The following MMP2 variants were observed in gnomAD, a reference collection of about 807,000 sequenced individuals.
The protein encoded by MMP2 is 72 kDa type IV collagenase.
Under a neutral mutation model 74.8 loss-of-function variants are expected in MMP2, and 39 were observed. The observed-to-expected ratio is 0.52, with a 90% CI of 0.40 to 0.68. The LOEUF (loss-of-function observed/expected upper bound fraction) is 0.68. MMP2 is among the 30% of genes least tolerant of loss of function. The pLI, the probability that MMP2 is intolerant of heterozygous loss-of-function variation, is 0.00. For synonymous variants in MMP2, 367 were observed against 339.8 expected (o/e 1.08, Z -0.88); for missense variants, 803 against 878.3 (o/e 0.91, Z 1.08).
intron 3 of MMP2, among the ~76,000 whole-genome samples, chr16:55,484,662 G>C (rs1962196037): frequency 6.6e-6 from 1 of 152,194 alleles, no homozygotes; most frequent in Non-Finnish European, 1.5e-5. Context: ...GAGTGGTTTG[G>C]AAACAGTGGA....
rs1380067810 is a variant in MMP2 at position 55,506,563 on chromosome 16, A to AATAATATC, written c.*1122_*1129dup. ...GCTACTACTAACAATGAACAGTAAC[A>AATAATATC]ATAATATCCCCCTCAATTAATAGAG... On this transcript the variant is annotated 3_prime_UTR_variant, in exon 13 of 13. Transcript: ENST00000219070. The AATAATATC allele has an allele frequency of 1.2e-4, 18 of 152,248 alleles. No individual in the cohort carries two copies. The highest frequency in any genetic ancestry group is 4.1e-4 in the African/African-American group (17 of 41,460). The allele number at this position is 152,248 out of a possible 1,614,324, so 9.4% of individuals were successfully genotyped here. A position where few individuals can be genotyped will look rare whatever the true frequency, so the allele number is the denominator to read the frequency against.
intron 7 of MMP2, 81 bp downstream of exon 7, chr16:55,489,905 T>C: frequency 6.7e-7 from 1 of 1,484,412 alleles, no homozygotes. Context: ...TCCTGAGACC[T>C]CACCCACTTC....
At chr16:55,491,768 C>T in intron 7 of MMP2, 33 bp from the exon 8 acceptor site, 1 of 1,613,784 alleles carries the variant, frequency 6.2e-7, no homozygotes, top group Middle Eastern at 1.7e-4. Flanking sequence ...CTCTTCCTGT[C>T]TTTCAACCCT....
chr16:55,500,940 C>T (rs1962653918), intron 11 of MMP2, among the ~76,000 whole-genome samples: 1 of 152,196 alleles, frequency 6.6e-6, no homozygotes, highest in Admixed American at 6.5e-5. Flanking sequence ...ATATATGTTC[C>T]ACATCTGCTG....
chr16:55,487,874 T>A (rs1596813783), intron 5 of MMP2: 1 of 152,430 alleles, frequency 6.6e-6, no homozygotes, highest in Admixed American at 6.5e-5. Context: ...TCCCTCCTCC[T>A]CTTCATTCTT....
chr16:55,484,550 T>C (rs1211810482), intron 3 of MMP2, among the ~76,000 whole-genome samples: 1 of 152,206 alleles, frequency 6.6e-6, no homozygotes, highest in African/African-American at 2.4e-5. Context: ...AGGAGGCTAG[T>C]GACTATTGAT....
intron 1 of MMP2, chr16:55,479,975 T>TGGC (rs199624654): frequency 0.19 from 9,791 of 50,502 alleles, 595 homozygotes; most frequent in East Asian, 0.34. Flanking sequence ...CTGGGACATT[T>TGGC]GGCGGGGGGG....
chr16:55,485,549 G>A, intron 4 of MMP2, 55 bp from the exon 5 acceptor site: 2 of 1,611,696 alleles, frequency 1.2e-6, no homozygotes, highest in South Asian at 1.1e-5. Flanking sequence ...CAGAATCTTG[G>A]TCTCCAAAGA....
At position 55,481,593 on chromosome 16, in the gene MMP2, G is replaced by A. The variant is rs2093753666; in HGVS notation, c.154-1316G>A. ...GCCCTCCTGGGAATGAAGCACAGCA[G>A]GTCTCAGCCTCATCTTACCCAGCCC... is the stretch of plus-strand genomic sequence containing the variant. On this transcript the variant is annotated intron_variant, in intron 1 of 12. Transcript: ENST00000219070. The A allele has an allele frequency of 2.1e-5, 9 of 435,746 alleles. No individual in the cohort carries two copies. In the South Asian group the frequency reaches 3.5e-4, roughly 17 times the overall value. 27.0% of individuals were successfully genotyped at this position (435,746 alleles called of 1,614,324 possible). A position where few individuals can be genotyped will look rare whatever the true frequency, so the allele number is the denominator to read the frequency against.
chr16:55,496,960 C>A lies in MMP2; in HGVS notation c.1507C>A (p.Pro503Thr). The change falls in exon 10 of 13, where the codon CCC (proline) becomes ACC (threonine). Residue 503 changes from proline to threonine, a missense_variant. Transcript: ENST00000219070. Reference protein sequence around the residue: ...IWRTVTPRDKPMGPLLVATFW... With the variant: ...IWRTVTPRDKTMGPLLVATFW... ...GCGGACTGTGACGCCACGTGACAAG[C>A]CCATGGGGCCCCTGCTGGTGGCCAC... 6.8e-6 allele frequency: 11 copies of A among 1,614,164 alleles called. No homozygotes were observed. The highest frequency in any genetic ancestry group is 9.3e-6 in the Non-Finnish European group (11 of 1,180,034).
Position 55,479,526 on chromosome 16 carries a change from C to T in MMP2, c.47C>T (p.Ala16Val). 1 of 1,607,184 alleles carries T rather than the reference C, an allele frequency of 6.2e-7. No individual in the cohort carries two copies. The highest frequency in any genetic ancestry group is 8.5e-7 in the Non-Finnish European group (1 of 1,177,412). The change falls in exon 1 of 13, where the codon GCG becomes GTG. Residue 16 changes from alanine to valine, a missense_variant. By Grantham distance (64) the Ala-to-Val change is moderately conservative. This residue lies in a region of MMP2 where 223 missense variants were observed against 232.8 expected (regional missense o/e 0.96). Transcript: ENST00000219070. The stretch of plus-strand genomic sequence containing the variant: ...GGCGCGCTCACGGGTCCCCTGAGGG[C>T]GCTCTGTCTCCTGGGCTGCCTGCTG... ...ARGALTGPLR[A>V]LCLLGCLLSH...
chr16:55,479,330 C>A lies in MMP2; in HGVS notation c.-150C>A. On this transcript the variant is annotated 5_prime_UTR_variant, in exon 1 of 13. Coordinates refer to ENST00000219070, the MANE Select transcript of MMP2 (RefSeq NM_004530.6). ...GGGGCGCGGGGGCCGGACCATGAGCCGCTGAGCCGGGCAAACCCCAGGCCA... is the reference window on the plus strand; with the variant it reads ...GGGGCGCGGGGGCCGGACCATGAGCAGCTGAGCCGGGCAAACCCCAGGCCA... The A allele has an allele frequency of 1.1e-6, 1 of 944,676 alleles. No individual in the cohort carries two copies. Among genetic ancestry groups the A allele is most frequent in the Non-Finnish European group, 1.4e-6 (1 of 720,194 alleles). 58.5% of individuals were successfully genotyped at this position (944,676 alleles called of 1,614,324 possible). A position where few individuals can be genotyped will look rare whatever the true frequency, so the allele number is the denominator to read the frequency against.
At chr16:55,496,090 G>A (rs949475028) in intron 9 of MMP2, among the ~76,000 whole-genome samples, 8 of 152,328 alleles carry the variant, frequency 5.3e-5, no homozygotes, top group South Asian at 4.1e-4. Context: ...CTTGGCATGC[G>A]TTAGAATCAT....
chr16:55,503,745 T>A lies in MMP2; in HGVS notation c.1879+857T>A, dbSNP rs1962726863. Among the ~76,000 whole-genome samples the A allele has an allele frequency of 2.0e-5, 3 of 152,060 alleles. No individual in the cohort carries two copies. In the South Asian group the frequency reaches 6.2e-4, roughly 32 times the overall value. The stretch of plus-strand genomic sequence containing the variant: ...GTGTCAGGCAGGTAGCACAAATGAG[T>A]AAAGCAGGCAGGGGCAGACAGTGGG... On this transcript the variant is annotated intron_variant, in intron 12 of 12. Coordinates refer to ENST00000219070, the MANE Select transcript of MMP2 (RefSeq NM_004530.6).
chr16:55,502,530 T>C (rs1962691758), intron 11 of MMP2, among the ~76,000 whole-genome samples: 1 of 152,232 alleles, frequency 6.6e-6, no homozygotes, highest in South Asian at 2.1e-4. Flanking sequence ...TTATAAATGT[T>C]AGCAGTAATC....
rs532937260 is a variant in MMP2 at position 55,500,317 on chromosome 16, G to A, written c.1769+1869G>A. Among the ~76,000 whole-genome samples the A allele has an allele frequency of 3.9e-5, 6 of 151,926 alleles. No individual in the cohort carries two copies. The East Asian group carries it at 1.2e-3, about 30-fold the overall frequency. On this transcript the variant is annotated intron_variant, in intron 11 of 12. Transcript: ENST00000219070. ...TCTCCAAGTCTTAGAATTGTGGCTG[G>A]TGAGCCGCACAGACTCACAGAAACG...
rs1416287051 is a variant in MMP2 at position 55,483,109 on chromosome 16, G to A, written c.354G>A (p.Lys118=). Residue 118 remains lysine (K), a synonymous_variant, in exon 2 of 13, where the codon AAG becomes AAA. Coordinates refer to ENST00000219070, the MANE Select transcript of MMP2 (RefSeq NM_004530.6). ...ACAACTTCTTCCCTCGCAAGCCCAAGTGGGACAAGAACCAGATCACATACA... is the reference window on the plus strand; with the variant it reads ...ACAACTTCTTCCCTCGCAAGCCCAAATGGGACAAGAACCAGATCACATACA... The part of the protein sequence containing the change: ...ANYNFFPRKP[K]WDKNQITYRI... 2 of 1,614,110 alleles carry A rather than the reference G, an allele frequency of 1.2e-6. No individual in the cohort carries two copies. Among genetic ancestry groups the A allele is most frequent in the South Asian group, 1.1e-5 (1 of 91,072 alleles).
At position 55,484,087 on chromosome 16, in the gene MMP2, G is replaced by A; in HGVS notation, c.452G>A (p.Trp151Ter). Residue 151 changes from tryptophan to a stop codon, truncating the protein, a stop_gained, in exon 3 of 13, where the codon TGG becomes TAG. Transcript: ENST00000219070. LOFTEE classifies it high-confidence loss of function. ...DDAFARAFQV[W>*]SDVTPLRFSR... ...GCCTTTGCTCGTGCCTTCCAAGTCT[G>A]GAGCGATGTGACCCCACTGCGGTTT... 2 of 1,614,178 alleles carry A rather than the reference G, an allele frequency of 1.2e-6. No homozygotes were observed. The highest frequency in any genetic ancestry group is 8.5e-7 in the Non-Finnish European group (1 of 1,180,014).
Position 55,491,652 on chromosome 16 carries a change from A to AG in MMP2, c.1181-148dup, listed in dbSNP as rs1186480365. 1.3e-5 allele frequency: 12 copies of AG among 928,866 alleles called. No individual in the cohort carries two copies. In the African/African-American group the frequency reaches 2.0e-4, roughly 16 times the overall value. 57.5% of individuals were successfully genotyped at this position (928,866 alleles called of 1,614,324 possible). A position where few individuals can be genotyped will look rare whatever the true frequency, so the allele number is the denominator to read the frequency against. The stretch of plus-strand genomic sequence containing the variant: ...TATTGATCCCAGAATTCTCAGGAAA[A>AG]GAAAAAAAAAATCAATACATGCCGC... On this transcript the variant is annotated intron_variant, in intron 7 of 12. Coordinates refer to ENST00000219070, the MANE Select transcript of MMP2 (RefSeq NM_004530.6).
Sources: allele counts gnomAD v4.1 joint callset (sites outside exome capture counted in the v4.1 genomes callset), GRCh38; gene constraint gnomAD v4.1.1; regional missense constraint gnomAD v4.1.1; transcripts MANE v1.5; gene names NCBI Gene and HGNC (gene_info 2026-07-23, HGNC 2026-07-21).